The following COL4A2 variants were observed in gnomAD, a reference collection of about 807,000 sequenced individuals.
COL4A2 encodes the protein collagen type IV alpha 2 chain.
A neutral mutation model predicts 200.2 loss-of-function variants in COL4A2; 99 were observed. That is an observed-to-expected ratio of 0.49 (90% CI 0.42 to 0.58). The LOEUF (loss-of-function observed/expected upper bound fraction) is 0.58, where lower values mean the gene tolerates loss of function less well. COL4A2 is among the 20% of genes least tolerant of loss of function. The pLI, the probability that COL4A2 is intolerant of heterozygous loss-of-function variation, is 0.00. For missense variants in COL4A2, 1,950 were observed against 2,314.1 expected, an observed-to-expected ratio of 0.84 and a Z score of 3.23; for synonymous variants, 897 against 900.6, an observed-to-expected ratio of 1.00 and a Z score of 0.07.
Position 110,473,022 on chromosome 13 carries a change from C to CCCCTGGGGAAAGGGGCCT in COL4A2, c.2304_2321dup (p.Arg770_Glu775dup), listed in dbSNP as rs1882539655. The CCCCTGGGGAAAGGGGCCT allele has an allele frequency of 6.6e-7, 1 of 1,516,316 alleles. No homozygotes were observed. Among genetic ancestry groups the CCCCTGGGGAAAGGGGCCT allele is most frequent in the Non-Finnish European group, 8.8e-7 (1 of 1,133,008 alleles). 93.9% of individuals were successfully genotyped at this position (1,516,316 alleles called of 1,614,324 possible). ...ATCGGCCTGCCAGGGCCAGATGGGC[C>CCCCTGGGGAAAGGGGCCT]CCCTGGGGAAAGGGGCCTCCCTGGA... On this transcript the variant is annotated inframe_insertion, in exon 29 of 48. Transcript: ENST00000360467.
At chr13:110,329,913 G>A (rs544656300) in intron 3 of COL4A2, among the ~76,000 whole-genome samples, 5 of 152,318 alleles carry the variant, frequency 3.3e-5, no homozygotes, top group East Asian at 1.9e-4. Context: ...GTGAGTTGGT[G>A]CGTGCAGTGA....
intron 3 of COL4A2, among the ~76,000 whole-genome samples, chr13:110,309,086 A>C (rs1300992189): frequency 2.0e-5 from 3 of 152,226 alleles, no homozygotes; most frequent in Non-Finnish European, 2.9e-5. Flanking sequence ...GTACACAGGT[A>C]CAAAGGGCAA....
At chr13:110,372,019 T>G (rs1482021401) in intron 4 of COL4A2, among the ~76,000 whole-genome samples, 1 of 150,326 alleles carries the variant, frequency 6.7e-6, no homozygotes, top group African/African-American at 2.4e-5. Flanking sequence ...GAGATTCCGC[T>G]CACCTCTCTC....
At chr13:110,371,242 A>T (rs1877995861) in intron 4 of COL4A2, among the ~76,000 whole-genome samples, 1 of 152,230 alleles carries the variant, frequency 6.6e-6, no homozygotes, top group South Asian at 2.1e-4. Context: ...CTTATTGCAT[A>T]GAATTAGTTA....
chr13:110,355,050 A>ATC (rs1877132012), intron 3 of COL4A2, among the ~76,000 whole-genome samples: 2 of 152,242 alleles, frequency 1.3e-5, no homozygotes, highest in African/African-American at 4.8e-5. Flanking sequence ...CGTAACTCAG[A>ATC]AGAGAGTGAA....
intron 3 of COL4A2, among the ~76,000 whole-genome samples, chr13:110,311,098 C>T (rs993568281): frequency 1.3e-5 from 2 of 152,024 alleles, no homozygotes; most frequent in African/African-American, 2.4e-5. Flanking sequence ...AACAGTGGAG[C>T]GGGCACTGAT....
At chr13:110,451,566 G>A (rs559266643) in intron 20 of COL4A2, among the ~76,000 whole-genome samples, 278 of 152,298 alleles carry the variant, frequency 1.8e-3, no homozygotes, top group Non-Finnish European at 2.8e-3. Flanking sequence ...AAGGAGTGAA[G>A]AGGGGAAAAG....
intron 4 of COL4A2, among the ~76,000 whole-genome samples, chr13:110,409,602 C>T (rs1343922438): frequency 2.0e-5 from 3 of 152,232 alleles, no homozygotes; most frequent in Non-Finnish European, 2.9e-5. Flanking sequence ...AACCAGTGTT[C>T]TGGAGGCTGT....
chr13:110,368,863 T>G, intron 4 of COL4A2, among the ~76,000 whole-genome samples: 1 of 85,514 alleles, frequency 1.2e-5, no homozygotes, highest in African/African-American at 4.6e-5. Context: ...GGGGGGGGGT[T>G]GAGCTCAATA....
At chr13:110,361,355 G>A (rs1333655832) in intron 4 of COL4A2, among the ~76,000 whole-genome samples, 4 of 152,262 alleles carry the variant, frequency 2.6e-5, no homozygotes, top group African/African-American at 4.8e-5. Context: ...GCTTGCTGTC[G>A]AAAGGGCTGT....
At chr13:110,342,888 G>T (rs1463058723) in intron 3 of COL4A2, among the ~76,000 whole-genome samples, 2 of 152,126 alleles carry the variant, frequency 1.3e-5, no homozygotes, top group African/African-American at 4.8e-5. Flanking sequence ...CCATCTTCTT[G>T]CAAACACTCC....
At chr13:110,453,584 C>T (rs893009037) in intron 20 of COL4A2, among the ~76,000 whole-genome samples, 5 of 152,176 alleles carry the variant, frequency 3.3e-5, no homozygotes, top group African/African-American at 9.7e-5. Flanking sequence ...AACTAAATTC[C>T]ATTTTGATAA....
intron 47 of COL4A2, 99 bp from the exon 48 acceptor site, chr13:110,511,835 G>C (rs1255589771): frequency 2.6e-6 from 4 of 1,568,194 alleles, no homozygotes; most frequent in Non-Finnish European, 3.5e-6. Context: ...ATGGTTTGCT[G>C]TTCAGTAAAA....
chr13:110,506,426 C>T lies in COL4A2; in HGVS notation c.4414C>T (p.Arg1472Cys), dbSNP rs779703009. The change falls in exon 46 of 48, where the codon CGT (arginine) becomes TGT (cysteine). Residue 1472 changes from arginine to cysteine, a missense_variant. Physicochemically the swap from Arg to Cys is radical, Grantham distance 180. Transcript: ENST00000360467. Reference sequence around the variant, plus strand: ...TTCTCGGGCTGCAGGTGCACCAGGCCGTCCAGGGAGCCCGGGCCTGCCGGG... The same window carrying T: ...TTCTCGGGCTGCAGGTGCACCAGGCTGTCCAGGGAGCCCGGGCCTGCCGGG... ...GPIGQEGAPGRPGSPGLPGMP... is the reference protein window; with the variant it reads ...GPIGQEGAPGCPGSPGLPGMP... 79 of 1,610,642 alleles carry T rather than the reference C, an allele frequency of 4.9e-5. No individual in the cohort carries two copies. In the East Asian group the frequency reaches 1.7e-3, roughly 34 times the overall value.
intron 4 of COL4A2, among the ~76,000 whole-genome samples, chr13:110,408,816 C>CACAT (rs1555327163): frequency 0.027 from 3,606 of 135,148 alleles, 155 homozygotes; most frequent in African/African-American, 0.094. Flanking sequence ...TATATATACA[C>CACAT]ACACACATGC....
chr13:110,427,720 T>C (rs967505008), intron 6 of COL4A2, among the ~76,000 whole-genome samples: 1 of 152,264 alleles, frequency 6.6e-6, no homozygotes, highest in Non-Finnish European at 1.5e-5. Context: ...GCAGTGAAGA[T>C]GCCCACAAAT....
chr13:110,370,791 C>T (rs971234473), intron 4 of COL4A2, among the ~76,000 whole-genome samples: 1 of 152,176 alleles, frequency 6.6e-6, no homozygotes, highest in East Asian at 1.9e-4. Flanking sequence ...CTAATTCAGA[C>T]ATAGACAGTC....
intron 4 of COL4A2, among the ~76,000 whole-genome samples, chr13:110,367,469 AT>A (rs1877805013): frequency 6.6e-6 from 1 of 152,250 alleles, no homozygotes; most frequent in African/African-American, 2.4e-5. Flanking sequence ...TCTAATGAAG[AT>A]TAAAGTTCTG....
chr13:110,501,807 T>G, intron 41 of COL4A2, 23 bp downstream of exon 41: 1 of 1,606,710 alleles, frequency 6.2e-7, no homozygotes, highest in Non-Finnish European at 8.5e-7. Flanking sequence ...TATACATCTG[T>G]GCTTCGACAT....
Sources: gnomAD v4.1 joint callset for allele counts (sites outside exome capture counted in the v4.1 genomes callset) on GRCh38, gnomAD v4.1.1 for gene constraint, MANE v1.5 for transcripts, NCBI Gene and HGNC (gene_info 2026-07-23, HGNC 2026-07-21) for gene names.